Variants in TNRC6A observed in about 807,000 individuals in gnomAD.
TNRC6A encodes trinucleotide repeat-containing gene 6A protein.
Under a neutral mutation model 221.2 loss-of-function variants are expected in TNRC6A, and 44 were observed. The observed-to-expected ratio is 0.20, with a 90% CI of 0.16 to 0.26. The LOEUF is 0.26. Among genes scored for constraint, TNRC6A ranks in the 10% least tolerant of loss-of-function variants. TNRC6A has a pLI of 1.00. For synonymous variants in TNRC6A, 847 were observed against 838.5 expected, an observed-to-expected ratio of 1.01 and a Z score of -0.18; for missense variants, 2,199 against 2,404.4, an observed-to-expected ratio of 0.91 and a Z score of 1.79.
At chr16:24,753,989 C>G (rs2057192839) in intron 3 of TNRC6A, among the ~76,000 whole-genome samples, 1 of 152,146 alleles carries the variant, frequency 6.6e-6, no homozygotes, top group Admixed American at 6.5e-5. Flanking sequence ...TTATCCTTTT[C>G]ATGCAGAACA....
rs990793068 is a variant in TNRC6A, at chr16:24,709,789, C to A, written n.403-40937C>A. ...GCAGTGAGCTATGATTACACTATTG[C>A]GTGCCAGCCTGGGCAACAGAACAAG... On this transcript the variant is annotated intron_variant and non_coding_transcript_variant, in intron 2 of 2. Coordinates refer to the TNRC6A transcript ENST00000566108. Among the ~76,000 whole-genome samples, 4 of 135,968 alleles carry A rather than the reference C, an allele frequency of 2.9e-5. No homozygotes were observed. The Admixed American group carries it at 3.5e-4, about 12-fold the overall frequency. The allele number at this position is 135,968 out of a possible 152,430, so 89.2% of individuals were successfully genotyped here. A position where few individuals can be genotyped will look rare whatever the true frequency, so the allele number is the denominator to read the frequency against.
chr16:24,724,345 A>G (rs1383103910), intron 2 of TNRC6A, among the ~76,000 whole-genome samples: 3 of 152,248 alleles, frequency 2.0e-5, no homozygotes, highest in East Asian at 1.9e-4. Context: ...TCTACCTCAC[A>G]TGGCTATGTG....
At position 24,805,161 on chromosome 16, in the gene TNRC6A, CT is replaced by C; in HGVS notation, c.4122+13del. ...ATTACTCTCCCCTCAGGTAAATAAG[CT>C]TTCCTTACATTCTCCTGTTTACCTG... On this transcript the variant is annotated intron_variant, in intron 14 of 24. Coordinates refer to ENST00000395799, the MANE Select transcript of TNRC6A (RefSeq NM_014494.4). The C allele has an allele frequency of 6.2e-7, 1 of 1,613,634 alleles. No homozygotes were observed. The highest frequency in any genetic ancestry group is 8.5e-7 in the Non-Finnish European group (1 of 1,179,634).
chr16:24,815,180 C>A lies in TNRC6A; in HGVS notation c.4706C>A (p.Ser1569Tyr), dbSNP rs2058629985. The A allele has an allele frequency of 1.2e-6, 2 of 1,614,032 alleles. No homozygotes were observed. Among genetic ancestry groups the A allele is most frequent in the Non-Finnish European group, 1.7e-6 (2 of 1,179,988 alleles). Residue 1569 changes from serine (S) to tyrosine (Y), a missense_variant, in exon 19 of 25, where the codon TCT becomes TAT. Physicochemically the swap from Ser to Tyr is moderately radical, Grantham distance 144. Transcript: ENST00000395799. ...AISSGFRLEESPFVPYDFMNS... is the reference protein window; with the variant it reads ...AISSGFRLEEYPFVPYDFMNS... ...TCAAGTGGTTTCAGGCTGGAAGAGTCTCCATTTGTTCCCTATGACTTTATG... is the reference window on the plus strand; with the variant it reads ...TCAAGTGGTTTCAGGCTGGAAGAGTATCCATTTGTTCCCTATGACTTTATG...
At chr16:24,667,210 T>C (rs2055190345) in intron 2 of TNRC6A, among the ~76,000 whole-genome samples, 1 of 152,196 alleles carries the variant, frequency 6.6e-6, no homozygotes, top group African/African-American at 2.4e-5. Context: ...TCTGGACTTT[T>C]TGATGTATCT....
intron 2 of TNRC6A, among the ~76,000 whole-genome samples, chr16:24,652,088 AC>A (rs2141850553): frequency 6.6e-6 from 1 of 152,214 alleles, no homozygotes; most frequent in African/African-American, 2.4e-5. Context: ...TGTATGTATT[AC>A]TCATATAATT....
At chr16:24,754,876 G>T (rs2057216691) in intron 3 of TNRC6A, among the ~76,000 whole-genome samples, 1 of 152,180 alleles carries the variant, frequency 6.6e-6, no homozygotes, top group Admixed American at 6.5e-5. Context: ...AAGAGCTGAA[G>T]GGATTTTTAT....
intron 18 of TNRC6A, among the ~76,000 whole-genome samples, chr16:24,809,920 C>A (rs1019551447): frequency 6.6e-6 from 1 of 152,224 alleles, no homozygotes; most frequent in African/African-American, 2.4e-5. Flanking sequence ...TCAAGCAGTT[C>A]TCCTACCTCA....
chr16:24,706,983 A>ATTTC (rs2056108060), intron 2 of TNRC6A, among the ~76,000 whole-genome samples: 1 of 101,642 alleles, frequency 9.8e-6, no homozygotes, highest in Non-Finnish European at 2.5e-5. Flanking sequence ...ATCTATTTTT[A>ATTTC]TTTATGTATT....
At chr16:24,734,165 A>G (rs1326337207) in intron 2 of TNRC6A, among the ~76,000 whole-genome samples, 1 of 151,992 alleles carries the variant, frequency 6.6e-6, no homozygotes, top group African/African-American at 2.4e-5. Context: ...ACAGAGTGCA[A>G]CCCTGTCTCA....
Position 24,625,769 on chromosome 16 carries a change from C to T in TNRC6A, n.277-15115C>T, listed in dbSNP as rs558452798. 1.3e-4 allele frequency among the ~76,000 whole-genome samples: 17 copies of T among 135,468 alleles called. No individual in the cohort carries two copies. The South Asian group carries it at 3.6e-3, about 29-fold the overall frequency. 88.9% of individuals were successfully genotyped at this position (135,468 alleles called of 152,430 possible). On this transcript the variant is annotated intron_variant and non_coding_transcript_variant, in intron 1 of 2. Transcript: ENST00000566108. ...AAAAAAAAAAAAAAAAAAATTAGCT[C>T]GGGGTGGTGGCGGGCGCTTGTAATC...
At chr16:24,712,919 G>GTGTATGTGTGTGTGTGTGTGTGTA in intron 2 of TNRC6A, among the ~76,000 whole-genome samples, 1 of 92,866 alleles carries the variant, frequency 1.1e-5, no homozygotes, top group South Asian at 4.1e-4. Flanking sequence ...GTGTGTGTGT[G>GTGTATGTGTGTGTGTGTGTGTGTA]TGTGTGTGTG....
chr16:24,702,204 G>T (rs1426494438), intron 2 of TNRC6A, among the ~76,000 whole-genome samples: 2 of 139,106 alleles, frequency 1.4e-5, no homozygotes, highest in Non-Finnish European at 1.5e-5. Context: ...TTGAGGCAGG[G>T]TTTCGCTCTG....
intron 2 of TNRC6A, among the ~76,000 whole-genome samples, chr16:24,698,309 A>G (rs894845580): frequency 6.6e-6 from 1 of 152,132 alleles, no homozygotes. Context: ...GTGTGGTTGA[A>G]TGCAATCCAA....
In TNRC6A at chr16:24,804,260, G is replaced by C; in HGVS notation, c.3778G>C (p.Gly1260Arg). 7 of 1,613,684 alleles carry C rather than the reference G, an allele frequency of 4.3e-6. No individual in the cohort carries two copies. The highest frequency in any genetic ancestry group is 5.9e-6 in the Non-Finnish European group (7 of 1,179,944). ...CAATCGAACGGTCGGGAAAGGCCCT[G>C]GTTCTCGGCCTCAGATTTCCAAAGA... ...DYNRTVGKGP[G>R]SRPQISKESS... Residue 1260 changes from glycine to arginine, a missense_variant, in exon 12 of 25, where the codon GGT becomes CGT. This residue lies in a region of TNRC6A where 158 missense variants were observed against 159.1 expected (regional missense o/e 0.99). Transcript: ENST00000395799.
intron 5 of TNRC6A, among the ~76,000 whole-genome samples, chr16:24,788,174 A>G (rs2058015499): frequency 6.6e-6 from 1 of 152,230 alleles, no homozygotes; most frequent in South Asian, 2.1e-4. Flanking sequence ...CCAAGATTAT[A>G]GGATTGTATG....
intron 3 of TNRC6A, among the ~76,000 whole-genome samples, chr16:24,756,504 A>C (rs2057254587): frequency 6.6e-6 from 1 of 152,200 alleles, no homozygotes; most frequent in Admixed American, 6.5e-5. Context: ...TTAGGGGCAG[A>C]CACACCTTAG....
At chr16:24,811,117 G>A (rs1213938126) in intron 18 of TNRC6A, among the ~76,000 whole-genome samples, 1 of 152,168 alleles carries the variant, frequency 6.6e-6, no homozygotes, top group Non-Finnish European at 1.5e-5. Flanking sequence ...CTCTTAGCTG[G>A]CAGAGTAGTC....
At chr16:24,800,814 G>A (rs770127092) in intron 11 of TNRC6A, among the ~76,000 whole-genome samples, 2 of 152,176 alleles carry the variant, frequency 1.3e-5, no homozygotes, top group East Asian at 1.9e-4. Context: ...ACCAGGCAAT[G>A]GAGAAGCTGC....
Sources: gnomAD v4.1 joint callset for allele counts (sites outside exome capture counted in the v4.1 genomes callset) on GRCh38, gnomAD v4.1.1 for gene constraint, gnomAD v4.1.1 regional missense constraint, MANE v1.5 for transcripts, NCBI Gene and HGNC (gene_info 2026-07-23, HGNC 2026-07-21) for gene names.